The following SLC24A3 variants were observed in gnomAD, a reference collection of about 807,000 sequenced individuals.
SLC24A3 encodes the protein sodium/potassium/calcium exchanger 3.
Under a neutral mutation model 75.8 loss-of-function variants are expected in SLC24A3, and 28 were observed. The observed-to-expected ratio is 0.37, with a 90% CI of 0.27 to 0.51. The LOEUF (loss-of-function observed/expected upper bound fraction) is 0.51, where lower values mean the gene tolerates loss of function less well. Among genes scored for constraint, SLC24A3 ranks in the 20% least tolerant of loss-of-function variants. SLC24A3 has a pLI of 0.94. For synonymous variants in SLC24A3, 372 were observed against 334.1 expected (o/e 1.11, Z -1.24); for missense variants, 663 against 847.8 (o/e 0.78, Z 2.71).
rs766429556 is a variant in SLC24A3, at chr20:19,654,094, G to A, written c.645G>A (p.Arg215=). ...VVALSSWCLL[R]DSIYYTLSVI... Reference sequence around the variant, plus strand: ...CTCTTTCCTCCTGGTGCCTGCTGAGGGATTCTATTTACTACACGCTGTCTG... The same window carrying A: ...CTCTTTCCTCCTGGTGCCTGCTGAGAGATTCTATTTACTACACGCTGTCTG... The change falls in exon 7 of 17, where the codon AGG becomes AGA. Residue 215 remains arginine, a synonymous_variant. Coordinates refer to ENST00000328041, the MANE Select transcript of SLC24A3 (RefSeq NM_020689.4). 7 of 1,613,708 alleles carry A rather than the reference G, an allele frequency of 4.3e-6. No individual in the cohort carries two copies. In the South Asian group the frequency reaches 7.7e-5, roughly 18 times the overall value.
intron 2 of SLC24A3, among the ~76,000 whole-genome samples, chr20:19,343,476 A>G (rs1985321830): frequency 6.6e-6 from 1 of 152,162 alleles, no homozygotes; most frequent in African/African-American, 2.4e-5. Flanking sequence ...GTGCTTCATA[A>G]TTTAGTCTAT....
At chr20:19,275,086 A>T (rs1489592238) in intron 1 of SLC24A3, among the ~76,000 whole-genome samples, 1 of 152,212 alleles carries the variant, frequency 6.6e-6, no homozygotes, top group Admixed American at 6.5e-5. Context: ...CTTCAGCCAG[A>T]TGGTTCTCTG....
intron 2 of SLC24A3, among the ~76,000 whole-genome samples, chr20:19,309,182 G>T (rs780824400): frequency 1.3e-5 from 2 of 152,148 alleles, no homozygotes; most frequent in Non-Finnish European, 2.9e-5. Context: ...CCCGACAGCA[G>T]ATCTATGGTT....
At chr20:19,644,494 C>A (rs902219263) in intron 6 of SLC24A3, among the ~76,000 whole-genome samples, 4 of 152,306 alleles carry the variant, frequency 2.6e-5, no homozygotes, top group Admixed American at 2.0e-4. Context: ...AGGAGGCACA[C>A]ACTTAGCTGT....
At chr20:19,510,612 G>C (rs769784622) in intron 2 of SLC24A3, among the ~76,000 whole-genome samples, 6 of 152,186 alleles carry the variant, frequency 3.9e-5, no homozygotes, top group Non-Finnish European at 8.8e-5. Flanking sequence ...TCACATAAAG[G>C]TGTAAGAGTG....
intron 2 of SLC24A3, among the ~76,000 whole-genome samples, chr20:19,406,238 GAA>G (rs949109613): frequency 6.6e-6 from 1 of 151,704 alleles, no homozygotes; most frequent in African/African-American, 2.4e-5. Flanking sequence ...GAGAGAGAGA[GAA>G]AGCATATCTA....
chr20:19,277,924 G>A (rs1301214875), intron 1 of SLC24A3, among the ~76,000 whole-genome samples: 1 of 152,186 alleles, frequency 6.6e-6, no homozygotes, highest in African/African-American at 2.4e-5. Context: ...GTACCACAAA[G>A]CATTTCTCCT....
Position 19,717,576 on chromosome 20 carries a change from G to A in SLC24A3, c.1768G>A (p.Ala590Thr). The change falls in exon 16 of 17, where the codon GCC becomes ACC. Residue 590 changes from alanine (A) to threonine (T), a missense_variant. Ala to Thr is a moderately conservative substitution (Grantham distance 58). Around this residue, in one of 2 missense-constraint regions of SLC24A3, gnomAD observed 510 missense variants for 703.6 expected, o/e 0.72. Transcript: ENST00000328041. ...GATCTACTCCGTAGGCTTGCTCCTG[G>A]CCTCTGTTTTTGTCACGGTAGGTTG... ...GLIYSVGLLL[A>T]SVFVTVFGVH... 1.9e-6 allele frequency: 3 copies of A among 1,614,130 alleles called. No homozygotes were observed. The highest frequency in any genetic ancestry group is 2.5e-6 in the Non-Finnish European group (3 of 1,179,984).
At chr20:19,280,709 A>G (rs1983633784) in intron 1 of SLC24A3, among the ~76,000 whole-genome samples, 1 of 152,188 alleles carries the variant, frequency 6.6e-6, no homozygotes, top group South Asian at 2.1e-4. Context: ...GTGCTTTATC[A>G]AGAGAGTTAC....
At chr20:19,720,434 A>G (rs2033092245) in intron 16 of SLC24A3, among the ~76,000 whole-genome samples, 1 of 152,200 alleles carries the variant, frequency 6.6e-6, no homozygotes. Flanking sequence ...GTTGGCTGCA[A>G]CAGGCAGAAC....
At chr20:19,368,570 T>C in intron 2 of SLC24A3, among the ~76,000 whole-genome samples, 1 of 152,188 alleles carries the variant, frequency 6.6e-6, no homozygotes, top group Non-Finnish European at 1.5e-5. Context: ...TCAACTGAGG[T>C]CTGGGCCTTG....
intron 2 of SLC24A3, among the ~76,000 whole-genome samples, chr20:19,333,867 G>C (rs1985063180): frequency 6.6e-6 from 1 of 152,042 alleles, no homozygotes; most frequent in African/African-American, 2.4e-5. Context: ...GTAGCCATAA[G>C]GTTCTTAAGC....
chr20:19,427,674 G>C (rs1277080977), intron 2 of SLC24A3, among the ~76,000 whole-genome samples: 1 of 152,128 alleles, frequency 6.6e-6, no homozygotes, highest in African/African-American at 2.4e-5. Context: ...CCCGCCCTCC[G>C]ACTTGTCCTC....
chr20:19,372,420 A>C lies in SLC24A3; in HGVS notation c.271+91333A>C, dbSNP rs1216124669. Among the ~76,000 whole-genome samples the C allele has an allele frequency of 2.0e-5, 3 of 152,286 alleles. 1 individual carries two copies. The East Asian group carries it at 5.8e-4, about 29-fold the overall frequency. On this transcript the variant is annotated intron_variant, in intron 2 of 16. Coordinates refer to ENST00000328041, the MANE Select transcript of SLC24A3 (RefSeq NM_020689.4). ...CTTAGCATCTGGCTCAGCCACACCC[A>C]CTTTCTGAGGGTAAGGGATGCTCTT...
intron 2 of SLC24A3, among the ~76,000 whole-genome samples, chr20:19,402,670 G>A (rs1372339751): frequency 6.6e-6 from 1 of 152,236 alleles, no homozygotes; most frequent in Non-Finnish European, 1.5e-5. Context: ...GATGAAAGCT[G>A]TAAAAATCTT....
chr20:19,385,337 G>A (rs1056652875), intron 2 of SLC24A3, among the ~76,000 whole-genome samples: 1 of 152,190 alleles, frequency 6.6e-6, no homozygotes, highest in African/African-American at 2.4e-5. Flanking sequence ...TATGGTGTGA[G>A]ATAATGGTCC....
chr20:19,538,566 A>G (rs919026559), intron 3 of SLC24A3, among the ~76,000 whole-genome samples: 2 of 152,188 alleles, frequency 1.3e-5, no homozygotes, highest in African/African-American at 4.8e-5. Context: ...TAAAATCACA[A>G]TGTAGTACCA....
intron 3 of SLC24A3, among the ~76,000 whole-genome samples, chr20:19,566,818 T>A (rs2030966267): frequency 6.6e-6 from 1 of 152,180 alleles, no homozygotes; most frequent in African/African-American, 2.4e-5. Flanking sequence ...CAGCAGGGCT[T>A]CAGGAGGATG....
intron 1 of SLC24A3, among the ~76,000 whole-genome samples, chr20:19,228,142 T>TA (rs1428048420): frequency 1.3e-5 from 2 of 152,210 alleles, no homozygotes; most frequent in Non-Finnish European, 2.9e-5. Context: ...ATTTTATTCT[T>TA]AAAAATGTGA....
Sources: gnomAD v4.1 joint callset for allele counts (sites outside exome capture counted in the v4.1 genomes callset) on GRCh38, gnomAD v4.1.1 for gene constraint, gnomAD v4.1.1 regional missense constraint, MANE v1.5 for transcripts, NCBI Gene and HGNC (gene_info 2026-07-23, HGNC 2026-07-21) for gene names.